ARAP1: variants seen among roughly 807,000 people sequenced by gnomAD.
ARAP1 encodes arf-GAP with Rho-GAP domain, ANK repeat and PH domain-containing protein 1.
A neutral mutation model predicts 172.2 loss-of-function variants in ARAP1; 76 were observed. The observed-to-expected ratio is 0.44, with a 90% CI of 0.37 to 0.53. The LOEUF is 0.53. Ranked by LOEUF, ARAP1 falls within the 20% of genes least tolerant of loss-of-function variation. ARAP1 has a pLI of 0.00. For missense variants in ARAP1, 1,686 were observed against 1,977.5 expected, an observed-to-expected ratio of 0.85 and a Z score of 2.80; for synonymous variants, 804 against 803.3, an observed-to-expected ratio of 1.00 and a Z score of -0.01.
intron 15 of ARAP1, 132 bp downstream of exon 15, chr11:72,702,773 G>A (rs1856549063): frequency 2.5e-6 from 3 of 1,179,356 alleles, no homozygotes; most frequent in Middle Eastern, 2.9e-4. Flanking sequence ...GCAAACCCAA[G>A]CACACCCCAG....
At chr11:72,730,909 C>T (rs776611411) in intron 2 of ARAP1, among the ~76,000 whole-genome samples, 7 of 152,038 alleles carry the variant, frequency 4.6e-5, no homozygotes, top group Non-Finnish European at 8.8e-5. Flanking sequence ...GAATACTGAG[C>T]GGCCATAAGA....
At chr11:72,687,549 G>A (rs1855743977) in intron 32 of ARAP1, 47 bp from the exon 33 acceptor site, 2 of 1,613,846 alleles carry the variant, frequency 1.2e-6, no homozygotes, top group African/African-American at 2.7e-5. Flanking sequence ...GCCTGACTGA[G>A]CAGGGAACAC....
Position 72,697,480 on chromosome 11 carries a change from C to G in ARAP1, c.2796G>C (p.Leu932=). ...CCAGCCGCCGCTCGCCCTGTATGTA[C>G]AGTGTCCTGGGCCAGGGACAGTCAG... ...VLVLVERRRT[L]YIQGERRLDF... Residue 932 remains leucine (L), a synonymous_variant, in exon 21 of 35, where the codon CTG becomes CTC. Coordinates refer to ENST00000393609, the MANE Select transcript of ARAP1 (RefSeq NM_001040118.3). 6.2e-7 allele frequency: 1 copy of G among 1,613,340 alleles called. No homozygotes were observed. The highest frequency in any genetic ancestry group is 8.5e-7 in the Non-Finnish European group (1 of 1,179,630).
Position 72,685,340 on chromosome 11 carries a change from A to C in ARAP1, c.*324T>G. 1 of 404,406 alleles carries C rather than the reference A, an allele frequency of 2.5e-6. No homozygotes were observed. The highest frequency in any genetic ancestry group is 4.5e-6 in the Non-Finnish European group (1 of 220,824). 25.1% of individuals were successfully genotyped at this position (404,406 alleles called of 1,614,324 possible). ...GGGCCCCAGGGCCTCACGCCTCTGA[A>C]AGGGTGGTGGTCCTCCCAAGTTCCT... On this transcript the variant is annotated 3_prime_UTR_variant, in exon 35 of 35. Transcript: ENST00000393609.
At chr11:72,735,913 A>G (rs12808507) in intron 1 of ARAP1, among the ~76,000 whole-genome samples, 54,704 of 152,000 alleles carry the variant, frequency 0.36, 10,302 homozygotes, top group East Asian at 0.55. Context: ...CAGGAACCTC[A>G]GGCTGGAAGG....
intron 18 of ARAP1, 33 bp from the exon 19 acceptor site, chr11:72,698,139 G>A (rs1856303393): frequency 1.9e-6 from 3 of 1,549,008 alleles, no homozygotes; most frequent in Non-Finnish European, 2.6e-6. Flanking sequence ...GACAGCATCA[G>A]CCAACGGCAC....
Position 72,696,556 on chromosome 11 carries a change from G to A in ARAP1, c.3265C>T (p.Leu1089=), listed in dbSNP as rs1454957141. Residue 1089 remains leucine (L), a synonymous_variant, in exon 23 of 35, where the codon CTG becomes TTG. Transcript: ENST00000393609. ...AATGGTATCGTCCCTCACCAGTACA[G>A]GTGGCTGATAAGGGCCTTCACTGTG... ...RATVKALISH[L]YCVQCFSDTN... 6 of 1,576,536 alleles carry A rather than the reference G, an allele frequency of 3.8e-6. 1 individual carries two copies. Among genetic ancestry groups the A allele is most frequent in the South Asian group, 2.3e-5 (2 of 87,440 alleles).
intron 3 of ARAP1, among the ~76,000 whole-genome samples, chr11:72,717,038 C>T (rs959154499): frequency 2.0e-5 from 3 of 152,152 alleles, no homozygotes; most frequent in Non-Finnish European, 4.4e-5. Context: ...CCCCGCAGCC[C>T]AGTCAGTAGC....
chr11:72,713,201 G>A lies in ARAP1; in HGVS notation c.722C>T (p.Ala241Val). Residue 241 changes from alanine (A) to valine (V), a missense_variant, in exon 5 of 35, where the codon GCC becomes GTC. Coordinates refer to ENST00000393609, the MANE Select transcript of ARAP1 (RefSeq NM_001040118.3). ...YDEVPEEGPGAPARVMTKKEE... is the reference protein window; with the variant it reads ...YDEVPEEGPGVPARVMTKKEE... ...CTTCTTGGTCATCACTCTGGCTGGG[G>A]CCCCCGGCCCCTCCTCTGGGACCTC... 6.2e-7 allele frequency: 1 copy of A among 1,614,002 alleles called. No individual in the cohort carries two copies. Among genetic ancestry groups the A allele is most frequent in the Non-Finnish European group, 8.5e-7 (1 of 1,179,920 alleles).
At chr11:72,714,360 G>C (rs1857180619) in intron 3 of ARAP1, 39 bp from the exon 4 acceptor site, 1 of 1,531,860 alleles carries the variant, frequency 6.5e-7, no homozygotes, top group African/African-American at 1.4e-5. Flanking sequence ...CTAAGCAACA[G>C]AGCCAAGACT....
At chr11:72,686,324 A>T (rs1855682683) in intron 33 of ARAP1, 133 bp from the exon 34 acceptor site, 29 of 1,214,548 alleles carry the variant, frequency 2.4e-5, no homozygotes, top group Non-Finnish European at 3.2e-5. Context: ...ATCCCCGCCG[A>T]TATGAGAAGC....
chr11:72,748,471 G>T (rs1858438474), intron 1 of ARAP1, among the ~76,000 whole-genome samples: 1 of 150,808 alleles, frequency 6.6e-6, no homozygotes, highest in South Asian at 2.1e-4. Context: ...AGTGAGCCGA[G>T]ATCATGCCAC....
chr11:72,704,869 T>C (rs1856682434), intron 13 of ARAP1: 1 of 158,430 alleles, frequency 6.3e-6, no homozygotes, highest in Non-Finnish European at 1.4e-5. Context: ...CCACCTTGCC[T>C]CCTTGTCAGG....
intron 11 of ARAP1, among the ~76,000 whole-genome samples, chr11:72,709,055 A>C (rs1208757597): frequency 6.6e-6 from 1 of 151,800 alleles, no homozygotes; most frequent in Non-Finnish European, 1.5e-5. Flanking sequence ...CAAAAAAAAA[A>C]AAAAAAAAAG....
At chr11:72,711,357 C>T (rs1371796799) in intron 8 of ARAP1, 73 bp downstream of exon 8, 6 of 1,547,072 alleles carry the variant, frequency 3.9e-6, no homozygotes, top group Admixed American at 1.7e-5. Flanking sequence ...TGGGGAGGGA[C>T]GCCACCTCGC....
rs749322902 is a variant in ARAP1, at chr11:72,697,646, A to AT, written c.2740dup (p.Ile914AsnfsTer6). On this transcript the variant is annotated frameshift_variant, in exon 20 of 35. Transcript: ENST00000393609. LOFTEE classifies it high-confidence loss of function. ...CACCTGGTTCTCACTGTCCCCCTGGATGGCTGTGGAGGGGTTAGTCAAGGT... is the reference window on the plus strand; with the variant it reads ...CACCTGGTTCTCACTGTCCCCCTGGATTGGCTGTGGAGGGGTTAGTCAAGGT... 6.2e-7 allele frequency: 1 copy of AT among 1,614,066 alleles called. No individual in the cohort carries two copies. The highest frequency in any genetic ancestry group is 8.5e-7 in the Non-Finnish European group (1 of 1,179,956).
intron 2 of ARAP1, among the ~76,000 whole-genome samples, chr11:72,731,513 G>T (rs754302990): frequency 6.6e-6 from 1 of 152,134 alleles, no homozygotes; most frequent in Non-Finnish European, 1.5e-5. Flanking sequence ...GCTTCCTGAG[G>T]CCTCACCAGA....
chr11:72,697,268 G>C, intron 21 of ARAP1, 55 bp downstream of exon 21: 13 of 1,586,768 alleles, frequency 8.2e-6, no homozygotes, highest in Non-Finnish European at 1.1e-5. Flanking sequence ...CAGCTCTGGG[G>C]CGGGAGGCGG....
intron 1 of ARAP1, among the ~76,000 whole-genome samples, chr11:72,733,287 A>G (rs1040472470): frequency 3.9e-5 from 6 of 152,160 alleles, no homozygotes; most frequent in African/African-American, 1.4e-4. Flanking sequence ...GGAAGGGACA[A>G]TGCAGCCCTG....
Sources: allele counts gnomAD v4.1 joint callset (sites outside exome capture counted in the v4.1 genomes callset), GRCh38; gene constraint gnomAD v4.1.1; transcripts MANE v1.5; gene names NCBI Gene and HGNC (gene_info 2026-07-23, HGNC 2026-07-21).